The following RASSF8 variants were observed in gnomAD, a reference collection of about 807,000 sequenced individuals.
RASSF8 encodes the protein Ras association domain family member 8.
A neutral mutation model predicts 48.5 loss-of-function variants in RASSF8; 22 were observed. The observed-to-expected ratio is 0.45, with a 90% CI of 0.32 to 0.65. The LOEUF is 0.65. Ranked by LOEUF, RASSF8 falls within the 30% of genes least tolerant of loss-of-function variation. RASSF8 has a pLI of 0.03. For synonymous variants in RASSF8, 127 were observed against 171.5 expected, an observed-to-expected ratio of 0.74 and a Z score of 2.03; for missense variants, 418 against 489.2, an observed-to-expected ratio of 0.85 and a Z score of 1.37.
intron 2 of RASSF8, among the ~76,000 whole-genome samples, chr12:26,051,646 A>G (rs1591803119): frequency 6.6e-6 from 1 of 152,182 alleles, no homozygotes; most frequent in African/African-American, 2.4e-5. Flanking sequence ...GATTTCCGGT[A>G]CTGTTTTATG....
At chr12:25,992,430 C>T (rs369794981) in intron 1 of RASSF8, among the ~76,000 whole-genome samples, 9 of 152,318 alleles carry the variant, frequency 5.9e-5, no homozygotes, top group African/African-American at 2.2e-4. Flanking sequence ...TTACCTGCCT[C>T]ACAGGGTTGT....
intron 1 of RASSF8, among the ~76,000 whole-genome samples, chr12:25,968,840 G>A (rs1217034386): frequency 2.0e-5 from 3 of 152,232 alleles, no homozygotes; most frequent in Non-Finnish European, 4.4e-5. Context: ...AAAAAAATAA[G>A]GTGGGGGGAT....
rs1288071974 is a variant in RASSF8, at chr12:26,072,381, G to A, written c.*3563G>A. 1 of 984,952 alleles carries A rather than the reference G, an allele frequency of 1.0e-6. No individual in the cohort carries two copies. 61.0% of individuals were successfully genotyped at this position (984,952 alleles called of 1,614,324 possible). On this transcript the variant is annotated 3_prime_UTR_variant, in exon 6 of 6. Coordinates refer to ENST00000689635, the MANE Select transcript of RASSF8 (RefSeq NM_001394098.1). ...TACATCTCCAGAATAAGCTTTCGAT[G>A]CCAGGACAGTGACTGCCTGAAAGCT...
At chr12:26,002,636 G>A (rs1051373115) in intron 2 of RASSF8, among the ~76,000 whole-genome samples, 6 of 152,090 alleles carry the variant, frequency 3.9e-5, no homozygotes, top group Middle Eastern at 3.2e-3. Flanking sequence ...TTAGCCAAGC[G>A]TGGTGGCGCA....
rs555335717 is a variant in RASSF8, at chr12:25,977,337, T to A, written c.-202-17700T>A. ...TTAAGTATTTTGAAATGGCTGAGAT[T>A]ATGGGCTATAACCGTGACCATTACA... On this transcript the variant is annotated intron_variant, in intron 1 of 5. Coordinates refer to ENST00000689635, the MANE Select transcript of RASSF8 (RefSeq NM_001394098.1). Among the ~76,000 whole-genome samples, 5 of 152,322 alleles carry A rather than the reference T, an allele frequency of 3.3e-5. No individual in the cohort carries two copies. In the East Asian group the frequency reaches 9.6e-4, roughly 29 times the overall value.
chr12:26,013,778 T>C (rs1247120402), intron 2 of RASSF8, among the ~76,000 whole-genome samples: 2 of 152,230 alleles, frequency 1.3e-5, no homozygotes, highest in African/African-American at 2.4e-5. Context: ...TTAAGTTTCA[T>C]GTTGATAAAA....
rs529718481 is a variant in RASSF8, at chr12:25,981,983, G to A, written c.-202-13054G>A. The stretch of plus-strand genomic sequence containing the variant: ...ATCGTCCTCAAATGATACTGAAGTA[G>A]AGATAATATAACATGAATTTTTAAA... On this transcript the variant is annotated intron_variant, in intron 1 of 5. Transcript: ENST00000689635. Among the ~76,000 whole-genome samples the A allele has an allele frequency of 2.0e-4, 31 of 152,310 alleles. 1 individual carries two copies. In the South Asian group the frequency reaches 6.2e-3, roughly 31 times the overall value.
chr12:26,077,536 T>C (rs1944082791), downstream of RASSF8, among the ~76,000 whole-genome samples: 1 of 151,460 alleles, frequency 6.6e-6, no homozygotes, highest in Non-Finnish European at 1.5e-5. Context: ...TCCCCATTTC[T>C]TTTTTTTGTC....
intron 1 of RASSF8, among the ~76,000 whole-genome samples, chr12:25,981,527 T>C (rs1941744268): frequency 1.3e-5 from 2 of 152,178 alleles, no homozygotes; most frequent in Admixed American, 1.3e-4. Context: ...AATATTCAGG[T>C]GCTTCTGCCA....
chr12:26,078,902 A>G (rs1221419968), intron 5 of RASSF8: 2 of 728,138 alleles, frequency 2.7e-6, no homozygotes, highest in East Asian at 3.1e-5. Context: ...GTTCTCAAAA[A>G]AAAAGGCGCT....
intron 1 of RASSF8, among the ~76,000 whole-genome samples, chr12:25,965,866 AGTT>A (rs1021018854): frequency 6.6e-6 from 1 of 152,210 alleles, no homozygotes. Context: ...ATGTAGTAGT[AGTT>A]TATTCCTCTT....
intron 2 of RASSF8, among the ~76,000 whole-genome samples, chr12:26,028,974 G>T (rs563764914): frequency 6.6e-6 from 1 of 152,204 alleles, no homozygotes; most frequent in African/African-American, 2.4e-5. Flanking sequence ...AAAACTAATT[G>T]AAAAAAGCCG....
chr12:25,969,056 C>T (rs1941423278), intron 1 of RASSF8, among the ~76,000 whole-genome samples: 1 of 152,242 alleles, frequency 6.6e-6, no homozygotes, highest in African/African-American at 2.4e-5. Flanking sequence ...TCCCAGCCAC[C>T]ATGCGGGTAA....
intron 2 of RASSF8, among the ~76,000 whole-genome samples, chr12:26,024,549 G>A (rs1942860860): frequency 6.6e-6 from 1 of 152,130 alleles, no homozygotes; most frequent in Non-Finnish European, 1.5e-5. Context: ...AAATACAGAT[G>A]CAAAAATTCT....
At chr12:26,042,332 T>C (rs1413879487) in intron 2 of RASSF8, among the ~76,000 whole-genome samples, 1 of 152,260 alleles carries the variant, frequency 6.6e-6, no homozygotes, top group Non-Finnish European at 1.5e-5. Context: ...GTTTTGTTTT[T>C]TTCCATAATC....
At chr12:25,958,301 C>G (rs1202823818), upstream of RASSF8, 1 of 151,948 alleles carries the variant, frequency 6.6e-6, no homozygotes. Context: ...CACGAGCCAC[C>G]GGTCATCTCC....
At chr12:25,999,887 A>G (rs138832337) in intron 2 of RASSF8, among the ~76,000 whole-genome samples, 392 of 152,348 alleles carry the variant, frequency 2.6e-3, no homozygotes, top group Admixed American at 3.9e-3. Context: ...TCGGTAAGAA[A>G]TGCAATTGGC....
At chr12:25,999,002 A>T (rs1221155783) in intron 2 of RASSF8, among the ~76,000 whole-genome samples, 2 of 152,204 alleles carry the variant, frequency 1.3e-5, no homozygotes, top group East Asian at 3.8e-4. Flanking sequence ...TTTATTGAGG[A>T]TCTGTTATTT....
intron 2 of RASSF8, among the ~76,000 whole-genome samples, chr12:26,049,066 T>C (rs2729645): frequency 0.84 from 127,289 of 152,206 alleles, 53,401 homozygotes; most frequent in East Asian, 0.99. Flanking sequence ...CCCTCCTTCA[T>C]CTTTTTTAAG....
Sources: gnomAD v4.1 joint callset for allele counts (sites outside exome capture counted in the v4.1 genomes callset) on GRCh38, gnomAD v4.1.1 for gene constraint, MANE v1.5 for transcripts, NCBI Gene and HGNC (gene_info 2026-07-23, HGNC 2026-07-21) for gene names.